The following EEFSEC variants were observed in gnomAD, a reference collection of about 807,000 sequenced individuals.
The protein encoded by EEFSEC is eukaryotic elongation factor, selenocysteine-tRNA specific, also known as selenocysteine-specific elongation factor.
Under a neutral mutation model 42.1 loss-of-function variants are expected in EEFSEC, and 43 were observed. The ratio of observed to expected loss-of-function variants is 1.02; its 90% CI spans 0.80 to 1.32. The LOEUF is 1.32. EEFSEC is among the 40% of genes most tolerant of loss of function. EEFSEC has a pLI of 0.00. For synonymous variants in EEFSEC, 354 were observed against 339.1 expected, an observed-to-expected ratio of 1.04 and a Z score of -0.48; for missense variants, 745 against 803.6, an observed-to-expected ratio of 0.93 and a Z score of 0.88.
At chr3:128,216,316 C>A (rs2999089) in intron 1 of EEFSEC, among the ~76,000 whole-genome samples, 1 of 152,136 alleles carries the variant, frequency 6.6e-6, no homozygotes, top group Non-Finnish European at 1.5e-5. Context: ...TTTTCCACTG[C>A]GGGGTGGTTT....
intron 1 of EEFSEC, among the ~76,000 whole-genome samples, chr3:128,173,695 G>A (rs891913005): frequency 3.9e-5 from 6 of 152,100 alleles, no homozygotes; most frequent in Non-Finnish European, 8.8e-5. Context: ...AGCCTATCTG[G>A]TCTTTTCAAG....
chr3:128,334,056 G>T (rs1232690171), intron 4 of EEFSEC, among the ~76,000 whole-genome samples: 1 of 152,168 alleles, frequency 6.6e-6, no homozygotes, highest in Non-Finnish European at 1.5e-5. Flanking sequence ...AAACTCCATG[G>T]GCAAGTCCAG....
intron 1 of EEFSEC, among the ~76,000 whole-genome samples, chr3:128,166,406 C>A (rs924421983): frequency 2.0e-5 from 3 of 152,322 alleles, no homozygotes; most frequent in East Asian, 3.9e-4. Flanking sequence ...AGCACTTGCA[C>A]TGTGGCTAGT....
intron 4 of EEFSEC, among the ~76,000 whole-genome samples, chr3:128,300,330 G>A (rs941653514): frequency 1.3e-5 from 2 of 152,168 alleles, no homozygotes; most frequent in African/African-American, 2.4e-5. Context: ...CGGGCCAGGC[G>A]AGGTGGCTCA....
intron 4 of EEFSEC, among the ~76,000 whole-genome samples, chr3:128,270,355 A>G (rs796182478): frequency 3.3e-5 from 5 of 150,934 alleles, no homozygotes; most frequent in African/African-American, 9.9e-5. Context: ...GGACCCCACT[A>G]TGTGGACCCC....
At chr3:128,311,481 T>C (rs1405947494) in intron 4 of EEFSEC, among the ~76,000 whole-genome samples, 1 of 152,214 alleles carries the variant, frequency 6.6e-6, no homozygotes, top group East Asian at 1.9e-4. Flanking sequence ...TACGTCCCAC[T>C]AAAAGCCTGC....
In EEFSEC at chr3:128,153,536, T is replaced by TG; in HGVS notation, c.32dup (p.Val12ArgfsTer26). On this transcript the variant is annotated frameshift_variant, in exon 1 of 7. Coordinates refer to ENST00000254730, the MANE Select transcript of EEFSEC (RefSeq NM_021937.5). LOFTEE classifies it high-confidence loss of function. ...GCAGGGCGGCGGGTGAACGTGAACGTGGGCGTGCTGGGCCACATCGACAGC... is the reference window on the plus strand; with the variant it reads ...GCAGGGCGGCGGGTGAACGTGAACGTGGGGCGTGCTGGGCCACATCGACAGC... 6.6e-7 allele frequency: 1 copy of TG among 1,519,808 alleles called. No homozygotes were observed. The highest frequency in any genetic ancestry group is 8.8e-7 in the Non-Finnish European group (1 of 1,140,214). 94.1% of individuals were successfully genotyped at this position (1,519,808 alleles called of 1,614,324 possible).
chr3:128,274,278 A>G (rs2066443955), intron 4 of EEFSEC, among the ~76,000 whole-genome samples: 1 of 152,188 alleles, frequency 6.6e-6, no homozygotes, highest in African/African-American at 2.4e-5. Flanking sequence ...GTCCTTGTCT[A>G]TCAGTGGGGT....
intron 1 of EEFSEC, among the ~76,000 whole-genome samples, chr3:128,214,738 G>A (rs1258753987): frequency 6.6e-6 from 1 of 152,182 alleles, no homozygotes; most frequent in Non-Finnish European, 1.5e-5. Context: ...ATGTATGATA[G>A]GATTATAGAA....
chr3:128,181,395 GT>G (rs1488315074), intron 1 of EEFSEC, among the ~76,000 whole-genome samples: 1 of 152,218 alleles, frequency 6.6e-6, no homozygotes, highest in African/African-American at 2.4e-5. Context: ...CAGATCACAT[GT>G]GCTTGGCCCA....
At chr3:128,384,697 C>T (rs931434886) in intron 6 of EEFSEC, among the ~76,000 whole-genome samples, 8 of 152,190 alleles carry the variant, frequency 5.3e-5, no homozygotes, top group Admixed American at 3.3e-4. Flanking sequence ...GTCAAGAACT[C>T]GTTGAGGGAC....
chr3:128,377,716 CAG>C (rs770908227), intron 6 of EEFSEC, among the ~76,000 whole-genome samples: 1 of 152,192 alleles, frequency 6.6e-6, no homozygotes, highest in Non-Finnish European at 1.5e-5. Flanking sequence ...GATGGAGCCT[CAG>C]AAGCTGAATT....
chr3:128,218,900 A>C (rs2065836267), intron 1 of EEFSEC, among the ~76,000 whole-genome samples: 1 of 152,190 alleles, frequency 6.6e-6, no homozygotes, highest in South Asian at 2.1e-4. Flanking sequence ...TCTCTTTCTT[A>C]TGTCCTCCTT....
At chr3:128,383,158 G>A (rs915335143) in intron 6 of EEFSEC, among the ~76,000 whole-genome samples, 2 of 152,122 alleles carry the variant, frequency 1.3e-5, no homozygotes, top group African/African-American at 2.4e-5. Flanking sequence ...GCACCATCCC[G>A]CTGTCTCTTT....
At chr3:128,187,511 G>C (rs987241489) in intron 1 of EEFSEC, among the ~76,000 whole-genome samples, 3 of 152,176 alleles carry the variant, frequency 2.0e-5, no homozygotes, top group African/African-American at 7.2e-5. Context: ...CTTCATCAAT[G>C]AATGTGTTCA....
Position 128,341,779 on chromosome 3 carries a change from G to A in EEFSEC, c.1333G>A (p.Ala445Thr), listed in dbSNP as rs1351524598. The change falls in exon 5 of 7, where the codon GCC becomes ACC. Residue 445 changes from alanine to threonine, a missense_variant. Physicochemically the swap from Ala to Thr is moderately conservative, Grantham distance 58 (BLOSUM62 0). Transcript: ENST00000254730. ...ADIHTNTCRL[A>T]FHGILLHGLE... ...CATTCACACCAACACGTGCCGGCTA[G>A]CCTTCCATGGCATCCTGCTCCACGG... 2 of 1,614,110 alleles carry A rather than the reference G, an allele frequency of 1.2e-6. No homozygotes were observed.
chr3:128,348,277 C>T lies in EEFSEC; in HGVS notation c.1443+6388C>T, dbSNP rs7613486. Among the ~76,000 whole-genome samples the T allele has an allele frequency of 4.7e-3, 370 of 77,958 alleles. 4 individuals carry two copies. The highest frequency in any genetic ancestry group is 0.025 in the Middle Eastern group (4 of 160). 51.1% of individuals were successfully genotyped at this position (77,958 alleles called of 152,430 possible). A position where few individuals can be genotyped will look rare whatever the true frequency, so the allele number is the denominator to read the frequency against. On this transcript the variant is annotated intron_variant, in intron 5 of 6. Transcript: ENST00000254730. ...GCGTGTGTGTGTGTGTGTGCGTGTG[C>T]GTGTGTGTGTGTGTGCGTGTGTGTG...
At chr3:128,293,029 C>T (rs2066660503) in intron 4 of EEFSEC, among the ~76,000 whole-genome samples, 1 of 152,126 alleles carries the variant, frequency 6.6e-6, no homozygotes, top group Non-Finnish European at 1.5e-5. Flanking sequence ...AGAATTTCTC[C>T]TTTGACCCAT....
Position 128,341,249 on chromosome 3 carries a change from A to C in EEFSEC, c.803A>C (p.Lys268Thr). Residue 268 changes from lysine to threonine, a missense_variant, in exon 5 of 7, where the codon AAG (lysine) becomes ACG (threonine). Lys to Thr is a moderately conservative substitution (Grantham distance 78). Transcript: ENST00000254730. ...CCCCATCAGGTGGTGAAGAAGGTGAAGTCCATGCAGATGTTCCACATGCCC... is the reference window on the plus strand; with the variant it reads ...CCCCATCAGGTGGTGAAGAAGGTGACGTCCATGCAGATGTTCCACATGCCC... ...IPALKVVKKV[K>T]SMQMFHMPIT... The C allele has an allele frequency of 3.1e-6, 5 of 1,609,692 alleles. No individual in the cohort carries two copies. The highest frequency in any genetic ancestry group is 4.2e-6 in the Non-Finnish European group (5 of 1,177,680).
Sources: gnomAD v4.1 joint callset for allele counts (sites outside exome capture counted in the v4.1 genomes callset) on GRCh38, gnomAD v4.1.1 for gene constraint, MANE v1.5 for transcripts, NCBI Gene and HGNC (gene_info 2026-07-23, HGNC 2026-07-21) for gene names.